The following MECOM variants were observed in gnomAD, a reference collection of about 807,000 sequenced individuals.
MECOM encodes MDS1 and EVI1 complex locus, also known as histone-lysine N-methyltransferase MECOM.
Under a neutral mutation model 116.3 loss-of-function variants are expected in MECOM, and 13 were observed. The ratio of observed to expected loss-of-function variants is 0.11; its 90% CI spans 0.07 to 0.18. The LOEUF (loss-of-function observed/expected upper bound fraction) is 0.18, where lower values mean the gene tolerates loss of function less well. Among genes scored for constraint, MECOM ranks in the 10% least tolerant of loss-of-function variants. The pLI is 1.00. For missense variants in MECOM, 1,299 were observed against 1,509.0 expected (o/e 0.86, Z 2.31); for synonymous variants, 528 against 535.2 (o/e 0.99, Z 0.19).
intron 1 of MECOM, 62 bp downstream of exon 1, chr3:169,663,274 G>A: frequency 6.4e-7 from 1 of 1,558,228 alleles, no homozygotes; most frequent in South Asian, 1.2e-5. Context: ...GAGCGCTAGA[G>A]ACAGATATGC....
At chr3:169,301,700 A>T (rs1201432048) in intron 2 of MECOM, among the ~76,000 whole-genome samples, 1 of 152,228 alleles carries the variant, frequency 6.6e-6, no homozygotes, top group Non-Finnish European at 1.5e-5. Context: ...TATGTAAAAG[A>T]TATGCTAATT....
intron 2 of MECOM, among the ~76,000 whole-genome samples, chr3:169,264,509 A>T (rs1331378189): frequency 2.0e-5 from 3 of 152,170 alleles, no homozygotes; most frequent in African/African-American, 7.2e-5. Context: ...CAGATATTGC[A>T]TTTCTGAGAC....
At chr3:169,329,247 T>C (rs1318947896) in intron 2 of MECOM, among the ~76,000 whole-genome samples, 1 of 152,218 alleles carries the variant, frequency 6.6e-6, no homozygotes, top group Non-Finnish European at 1.5e-5. Flanking sequence ...TACATTCTAA[T>C]GATTCAAAAA....
intron 6 of MECOM, 126 bp downstream of exon 6, chr3:169,122,454 T>A: frequency 2.9e-6 from 3 of 1,046,824 alleles, no homozygotes; most frequent in Non-Finnish European, 4.2e-6. Context: ...CAACACTCAG[T>A]GTACTTTTCT....
chr3:169,384,279 C>T (rs1732939443), intron 1 of MECOM, among the ~76,000 whole-genome samples: 1 of 152,202 alleles, frequency 6.6e-6, no homozygotes, highest in African/African-American at 2.4e-5. Flanking sequence ...TTTGATCCTA[C>T]AAAGCACCTT....
chr3:169,472,675 G>GGAAAGGAAAAGAA (rs1560319210), intron 1 of MECOM, among the ~76,000 whole-genome samples: 3 of 71,192 alleles, frequency 4.2e-5, no homozygotes, highest in Non-Finnish European at 6.6e-5. Flanking sequence ...AAGGAAAGGA[G>GGAAAGGAAAAGAA]AGGAGAGGAA....
chr3:169,240,370 C>T (rs1477454100), intron 2 of MECOM, among the ~76,000 whole-genome samples: 2 of 152,106 alleles, frequency 1.3e-5, no homozygotes, highest in African/African-American at 4.8e-5. Context: ...AATCTTCATG[C>T]CTAAACCAAA....
intron 1 of MECOM, among the ~76,000 whole-genome samples, chr3:169,633,775 TG>T (rs1432587364): frequency 6.6e-6 from 1 of 151,492 alleles, no homozygotes; most frequent in Non-Finnish European, 1.5e-5. Context: ...AGGCTAAGGT[TG>T]GGGGTCAAGA....
At chr3:169,187,746 TATGTTAAAGAAAAGC>T (rs1746971759) in intron 2 of MECOM, among the ~76,000 whole-genome samples, 5 of 152,148 alleles carry the variant, frequency 3.3e-5, no homozygotes, top group Admixed American at 3.3e-4. Flanking sequence ...ATACCTGCTT[TATGTTAAAGAAAAGC>T]ATGTATGAAC....
intron 2 of MECOM, among the ~76,000 whole-genome samples, chr3:169,153,488 G>GT (rs1217652061): frequency 3.9e-5 from 6 of 152,126 alleles, no homozygotes; most frequent in Non-Finnish European, 8.8e-5. Flanking sequence ...TAGTGAGGTA[G>GT]TAAGTGCTTT....
intron 1 of MECOM, among the ~76,000 whole-genome samples, chr3:169,505,235 T>C (rs1320901426): frequency 2.1e-5 from 3 of 142,440 alleles, no homozygotes; most frequent in East Asian, 4.0e-4. Context: ...AAGTATATCA[T>C]ACCCTGTAAT....
intron 1 of MECOM, among the ~76,000 whole-genome samples, chr3:169,605,893 A>G (rs555765604): frequency 8.5e-4 from 129 of 152,308 alleles, no homozygotes; most frequent in Admixed American, 2.7e-3. Flanking sequence ...AGGTAAAGTG[A>G]AGTTTATTTA....
intron 1 of MECOM, among the ~76,000 whole-genome samples, chr3:169,567,843 G>GA (rs1353569838): frequency 1.3e-5 from 2 of 152,130 alleles, no homozygotes; most frequent in Non-Finnish European, 2.9e-5. Context: ...TAATTACATG[G>GA]AAAAAAATAT....
chr3:169,153,589 T>A (rs1741494027), intron 2 of MECOM, among the ~76,000 whole-genome samples: 1 of 152,192 alleles, frequency 6.6e-6, no homozygotes, highest in South Asian at 2.1e-4. Context: ...TTTAGCACAT[T>A]ATGCAATAAC....
chr3:169,349,330 G>A (rs1327281730), intron 2 of MECOM, among the ~76,000 whole-genome samples: 9 of 151,784 alleles, frequency 5.9e-5, no homozygotes, highest in Admixed American at 2.0e-4. Flanking sequence ...AGTGAAAACA[G>A]GACGATACTA....
intron 2 of MECOM, among the ~76,000 whole-genome samples, chr3:169,180,202 T>C (rs1745760654): frequency 6.6e-6 from 1 of 152,200 alleles, no homozygotes; most frequent in African/African-American, 2.4e-5. Context: ...TTTAGAAAAT[T>C]ATTTGTATAG....
At chr3:169,109,851 T>C (rs982269647) in intron 9 of MECOM, among the ~76,000 whole-genome samples, 2 of 152,202 alleles carry the variant, frequency 1.3e-5, no homozygotes, top group Non-Finnish European at 2.9e-5. Flanking sequence ...TTAGGAATTA[T>C]GGAATGGGAA....
At chr3:169,594,174 A>AAAAAAAAAAAAAAAAAAAAAAAACC (rs1255613781) in intron 1 of MECOM, among the ~76,000 whole-genome samples, 3 of 125,934 alleles carry the variant, frequency 2.4e-5, no homozygotes, top group African/African-American at 6.4e-5. Flanking sequence ...AAAAAAAAAA[A>AAAAAAAAAAAAAAAAAAAAAAAACC]AACACCTTTT....
rs80350891 is a variant in MECOM at position 169,657,346 on chromosome 3, A to C, written c.37+5990T>G. Among the ~76,000 whole-genome samples the C allele has an allele frequency of 3.3e-3, 505 of 152,370 alleles. 1 individual carries two copies. Among genetic ancestry groups the C allele is most frequent in the Non-Finnish European group, 5.3e-3 (362 of 68,038 alleles). ...ACGTGAGAGAATGGCTTCACAATAC[A>C]TACAAATTGTGGAGATCTGGCTATT... On this transcript the variant is annotated intron_variant, in intron 1 of 16. Transcript: ENST00000651503.
Sources: allele counts gnomAD v4.1 joint callset (sites outside exome capture counted in the v4.1 genomes callset), GRCh38; gene constraint gnomAD v4.1.1; transcripts MANE v1.5; gene names NCBI Gene and HGNC (gene_info 2026-07-23, HGNC 2026-07-21).